The following LRBA variants were observed in gnomAD, a reference collection of about 807,000 sequenced individuals.
The protein encoded by LRBA is LPS responsive beige-like anchor protein, also known as lipopolysaccharide-responsive and beige-like anchor protein.
A neutral mutation model predicts 330.0 loss-of-function variants in LRBA; 176 were observed. The observed-to-expected ratio is 0.53, with a 90% CI of 0.47 to 0.60. The LOEUF (loss-of-function observed/expected upper bound fraction) is 0.60. Among genes scored for constraint, LRBA ranks in the 20% least tolerant of loss-of-function variants. The pLI, the probability that LRBA is intolerant of heterozygous loss-of-function variation, is 0.00. For missense variants in LRBA, 3,259 were observed against 3,444.8 expected (o/e 0.95, Z 1.35); for synonymous variants, 1,230 against 1,193.0 (o/e 1.03, Z -0.64).
chr4:150,490,113 G>A (rs1758724061), intron 41 of LRBA, among the ~76,000 whole-genome samples: 1 of 151,592 alleles, frequency 6.6e-6, no homozygotes, highest in African/African-American at 2.4e-5. Context: ...GTATGTGCCA[G>A]GAGGAGATCA....
At chr4:150,978,986 T>C (rs958225041) in intron 2 of LRBA, among the ~76,000 whole-genome samples, 3 of 152,058 alleles carry the variant, frequency 2.0e-5, no homozygotes, top group African/African-American at 7.2e-5. Context: ...AAAGGGATAA[T>C]AACAGAGAAC....
At chr4:150,432,912 G>A (rs1003737753) in intron 46 of LRBA, among the ~76,000 whole-genome samples, 1 of 152,030 alleles carries the variant, frequency 6.6e-6, no homozygotes, top group African/African-American at 2.4e-5. Flanking sequence ...AATTGTCAAA[G>A]TATTTGAAAG....
chr4:150,848,755 T>A, intron 26 of LRBA, 63 bp downstream of exon 26: 3 of 1,230,420 alleles, frequency 2.4e-6, no homozygotes, highest in Non-Finnish European at 3.4e-6. Context: ...TAATTTTCAA[T>A]GTCATCTCTG....
At chr4:150,771,843 G>A (rs546671332) in intron 34 of LRBA, among the ~76,000 whole-genome samples, 5 of 152,270 alleles carry the variant, frequency 3.3e-5, no homozygotes, top group South Asian at 4.1e-4. Context: ...ACTGGTGGGC[G>A]GCTGGGGAAA....
chr4:150,996,449 G>A (rs1175033344), intron 2 of LRBA, among the ~76,000 whole-genome samples: 1 of 151,980 alleles, frequency 6.6e-6, no homozygotes, highest in Admixed American at 6.6e-5. Context: ...ACAACTAGAG[G>A]TATAATCAAT....
intron 22 of LRBA, among the ~76,000 whole-genome samples, chr4:150,855,372 CA>C (rs1751101928): frequency 6.6e-6 from 1 of 152,170 alleles, no homozygotes; most frequent in South Asian, 2.1e-4. Context: ...TACATATTAC[CA>C]ACCTCACAGT....
chr4:150,740,678 A>C (rs1731831848), intron 35 of LRBA, among the ~76,000 whole-genome samples: 1 of 151,918 alleles, frequency 6.6e-6, no homozygotes, highest in Non-Finnish European at 1.5e-5. Flanking sequence ...TTAAAGAAAA[A>C]AGTATACCAT....
chr4:150,961,171 A>G (rs1427522770), intron 2 of LRBA, among the ~76,000 whole-genome samples: 1 of 149,326 alleles, frequency 6.7e-6, no homozygotes, highest in Non-Finnish European at 1.5e-5. Flanking sequence ...CAGCTCACCA[A>G]CCACTGCCTT....
At position 150,597,795 on chromosome 4, in the gene LRBA, T is replaced by A. The variant is rs114507919; in HGVS notation, c.6046+1212A>T. Among the ~76,000 whole-genome samples the A allele has an allele frequency of 7.4e-3, 1,119 of 152,176 alleles. 6 individuals carry two copies. Among genetic ancestry groups the A allele is most frequent in the African/African-American group, 0.025 (1,051 of 41,556 alleles). On this transcript the variant is annotated intron_variant, in intron 38 of 56. Coordinates refer to ENST00000651943, the MANE Select transcript of LRBA (RefSeq NM_001364905.1). ...ACTATATGTACTCTAAAAGCAAAAG[T>A]GGCCTAATTAATTCTACATTTTATT...
intron 34 of LRBA, among the ~76,000 whole-genome samples, chr4:150,775,672 T>C (rs1737204605): frequency 6.6e-6 from 1 of 151,622 alleles, no homozygotes; most frequent in Non-Finnish European, 1.5e-5. Context: ...CCAATAAATA[T>C]CCAGTGGGTT....
intron 43 of LRBA, among the ~76,000 whole-genome samples, chr4:150,470,420 T>C (rs1459147932): frequency 6.6e-6 from 1 of 152,118 alleles, no homozygotes; most frequent in Admixed American, 6.6e-5. Context: ...TCTTCTCATA[T>C]GCAAGAGAAT....
At chr4:150,325,463 C>T (rs1561016384) in intron 49 of LRBA, among the ~76,000 whole-genome samples, 3 of 152,174 alleles carry the variant, frequency 2.0e-5, no homozygotes, top group South Asian at 2.1e-4. Context: ...AACACAACAG[C>T]AAAACTAATC....
chr4:150,765,874 G>A (rs1735699179), intron 34 of LRBA, among the ~76,000 whole-genome samples: 1 of 151,970 alleles, frequency 6.6e-6, no homozygotes, highest in African/African-American at 2.4e-5. Context: ...GCATTATTGG[G>A]GTTAGACTGA....
At chr4:150,852,997 T>C (rs538703128) in intron 22 of LRBA, 54 bp from the exon 23 acceptor site, 10 of 994,230 alleles carry the variant, frequency 1.0e-5, no homozygotes, top group Admixed American at 8.6e-5. Flanking sequence ...GAAGACAGAA[T>C]ACAAAATATA....
intron 42 of LRBA, among the ~76,000 whole-genome samples, chr4:150,479,224 T>C (rs1581431957): frequency 6.6e-6 from 1 of 151,972 alleles, no homozygotes; most frequent in African/African-American, 2.4e-5. Context: ...GCTGCCGTGA[T>C]TGTACCACTG....
intron 36 of LRBA, chr4:150,721,423 C>T: frequency 3.3e-6 from 1 of 301,138 alleles, no homozygotes; most frequent in Non-Finnish European, 6.4e-6. Flanking sequence ...ACATATTCAG[C>T]AATGCAGGTC....
intron 30 of LRBA, among the ~76,000 whole-genome samples, chr4:150,826,407 C>T (rs1430201081): frequency 6.6e-6 from 1 of 152,114 alleles, no homozygotes; most frequent in Non-Finnish European, 1.5e-5. Flanking sequence ...GCTAACTCTA[C>T]TGTTTTGTGC....
At chr4:150,758,570 GTCTT>G (rs941494075) in intron 35 of LRBA, among the ~76,000 whole-genome samples, 1 of 119,034 alleles carries the variant, frequency 8.4e-6, no homozygotes, top group African/African-American at 2.9e-5. Flanking sequence ...TGATCTCTTT[GTCTT>G]TTTTTTTTTT....
intron 53 of LRBA, among the ~76,000 whole-genome samples, chr4:150,298,812 G>A (rs1729289778): frequency 6.6e-6 from 1 of 152,006 alleles, no homozygotes; most frequent in Admixed American, 6.6e-5. Context: ...AATGGAAAAT[G>A]TATTACTGAA....
Sources: gnomAD v4.1 joint callset for allele counts (sites outside exome capture counted in the v4.1 genomes callset) on GRCh38, gnomAD v4.1.1 for gene constraint, MANE v1.5 for transcripts, NCBI Gene and HGNC (gene_info 2026-07-23, HGNC 2026-07-21) for gene names.